PDCD11: variants seen among roughly 807,000 people sequenced by gnomAD.
PDCD11 encodes the protein protein RRP5 homolog.
Under a neutral mutation model 198.9 loss-of-function variants are expected in PDCD11, and 97 were observed. The observed-to-expected ratio is 0.49, with a 90% CI of 0.41 to 0.58. The LOEUF is 0.58. Ranked by LOEUF, PDCD11 falls within the 20% of genes least tolerant of loss-of-function variation. The pLI, the probability that PDCD11 is intolerant of heterozygous loss-of-function variation, is 0.00. For missense variants in PDCD11, 2,102 were observed against 2,312.7 expected, an observed-to-expected ratio of 0.91 and a Z score of 1.87; for synonymous variants, 893 against 918.0, an observed-to-expected ratio of 0.97 and a Z score of 0.49.
chr10:103,431,492 T>G (rs1040073678), intron 21 of PDCD11, among the ~76,000 whole-genome samples: 3 of 151,930 alleles, frequency 2.0e-5, no homozygotes, highest in Non-Finnish European at 4.4e-5. Context: ...TTTGGGAGGC[T>G]GAGACATGAG....
intron 24 of PDCD11, 177 bp downstream of exon 24, chr10:103,434,527 C>T (rs1187137712): frequency 8.3e-6 from 5 of 604,566 alleles, no homozygotes; most frequent in African/African-American, 3.7e-5. Flanking sequence ...CCAGTTACTC[C>T]ACTGCTCTCT....
At chr10:103,401,793 C>T (rs1404183770) in intron 3 of PDCD11, among the ~76,000 whole-genome samples, 1 of 151,126 alleles carries the variant, frequency 6.6e-6, no homozygotes, top group South Asian at 2.1e-4. Flanking sequence ...GCTGGAGTGC[C>T]GTGGTGCCAT....
At chr10:103,423,979 T>C (rs35615718) in intron 19 of PDCD11, among the ~76,000 whole-genome samples, 56,084 of 152,144 alleles carry the variant, frequency 0.37, 10,783 homozygotes, top group South Asian at 0.59. Flanking sequence ...GCCCAGCCCC[T>C]GTGGGGCTGA....
Position 103,413,212 on chromosome 10 carries a change from C to T in PDCD11, c.1075C>T (p.Leu359Phe). The T allele has an allele frequency of 6.2e-7, 1 of 1,614,186 alleles. No individual in the cohort carries two copies. Among genetic ancestry groups the T allele is most frequent in the Non-Finnish European group, 8.5e-7 (1 of 1,180,020 alleles). Residue 359 changes from leucine (L) to phenylalanine (F), a missense_variant, in exon 9 of 36, where the codon CTC becomes TTC. Leu to Phe is a conservative substitution (Grantham distance 22). Coordinates refer to ENST00000369797, the MANE Select transcript of PDCD11 (RefSeq NM_014976.2). ...ACAGCCTGGACGCCCACTCACCCGA[C>T]TCTCTTGCCAGAACCTTGGAGCAGT... Reference protein sequence around the residue: ...FLQPGRPLTRLSCQNLGAVLD... With the variant: ...FLQPGRPLTRFSCQNLGAVLD...
Position 103,425,165 on chromosome 10 carries a change from C to G in PDCD11, c.2945C>G (p.Thr982Ser). The G allele has an allele frequency of 6.2e-7, 1 of 1,614,146 alleles. No homozygotes were observed. The highest frequency in any genetic ancestry group is 1.7e-5 in the Admixed American group (1 of 60,018). The change falls in exon 20 of 36, where the codon ACC (threonine) becomes AGC (serine). Residue 982 changes from threonine (T) to serine (S), a missense_variant. Transcript: ENST00000369797. ...VGQGVSLTLKTTEPGVTGLLL... is the reference protein window; with the variant it reads ...VGQGVSLTLKSTEPGVTGLLL... ...CAGGGTGTCTCCCTAACCCTCAAGACCACAGAACCAGGAGTGACTGGCCTT... is the reference window on the plus strand; with the variant it reads ...CAGGGTGTCTCCCTAACCCTCAAGAGCACAGAACCAGGAGTGACTGGCCTT...
At position 103,406,041 on chromosome 10, in the gene PDCD11, T is replaced by C; in HGVS notation, c.621T>C (p.Gly207=). ...LEDHGYLVDI[G]VDGTRAFLPL... The stretch of plus-strand genomic sequence containing the variant: ...ACCATGGCTACCTAGTGGACATTGG[T>C]GTTGATGGGACCAGAGCTTTTCTGC... Residue 207 remains glycine (G), a synonymous_variant, in exon 6 of 36, where the codon GGT becomes GGC. Transcript: ENST00000369797. 6.2e-7 allele frequency: 1 copy of C among 1,614,158 alleles called. No individual in the cohort carries two copies. Among genetic ancestry groups the C allele is most frequent in the Non-Finnish European group, 8.5e-7 (1 of 1,180,012 alleles).
At chr10:103,441,218 C>A (rs373844832) in intron 30 of PDCD11, among the ~76,000 whole-genome samples, 4 of 152,288 alleles carry the variant, frequency 2.6e-5, no homozygotes, top group Admixed American at 1.3e-4. Context: ...CTGCCACCCT[C>A]AGAATTATTG....
intron 6 of PDCD11, 115 bp from the exon 7 acceptor site, chr10:103,406,494 C>T (rs1592114315): frequency 1.2e-6 from 1 of 849,342 alleles, no homozygotes; most frequent in African/African-American, 1.7e-5. Flanking sequence ...TGGGGAGTAA[C>T]TGATGCTAAC....
At chr10:103,445,348 G>T in intron 35 of PDCD11, 30 bp from the exon 36 acceptor site, 8 of 1,612,624 alleles carry the variant, frequency 5.0e-6, no homozygotes, top group Non-Finnish European at 6.8e-6. Context: ...GGGACTGACA[G>T]GCAAATGCCA....
At chr10:103,418,744 A>G (rs2031259352) in intron 15 of PDCD11, 110 bp downstream of exon 15, 2 of 877,366 alleles carry the variant, frequency 2.3e-6, no homozygotes, top group East Asian at 2.6e-5. Context: ...ATATCTCCAC[A>G]AAACCAAACC....
intron 6 of PDCD11, 36 bp from the exon 7 acceptor site, chr10:103,406,573 C>A (rs377372668): frequency 4.5e-5 from 72 of 1,594,596 alleles, no homozygotes; most frequent in East Asian, 2.5e-4. Context: ...CTCATAGATA[C>A]ATTTTTCCTT....
chr10:103,405,354 A>C (rs1286826705), intron 5 of PDCD11, 171 bp downstream of exon 5: 2 of 575,062 alleles, frequency 3.5e-6, no homozygotes, highest in Non-Finnish European at 6.2e-6. Context: ...GACATTGAAG[A>C]CTTGAACCTA....
At chr10:103,428,916 C>T (rs555658170) in intron 21 of PDCD11, among the ~76,000 whole-genome samples, 1 of 152,164 alleles carries the variant, frequency 6.6e-6, no homozygotes, top group South Asian at 2.1e-4. Flanking sequence ...CAGACATCTT[C>T]CACTTCCTCC....
At position 103,397,360 on chromosome 10, in the gene PDCD11, T is replaced by A. The variant is rs1219528184; in HGVS notation, c.-12+630T>A. On this transcript the variant is annotated intron_variant, in intron 1 of 35. Coordinates refer to ENST00000369797, the MANE Select transcript of PDCD11 (RefSeq NM_014976.2). ...TTTTCTTGCTTACTGTTCTCTCGCT[T>A]TCCCTGCTTAAGTCTCTGACTTGCC... 5.9e-5 allele frequency among the ~76,000 whole-genome samples: 9 copies of A among 152,194 alleles called. 1 individual carries two copies. The East Asian group carries it at 1.7e-3, about 29-fold the overall frequency.
At chr10:103,413,428 T>C in intron 9 of PDCD11, 106 bp downstream of exon 9, 7 of 888,998 alleles carry the variant, frequency 7.9e-6, no homozygotes, top group Middle Eastern at 2.9e-4. Context: ...GTTTAAAATT[T>C]TTGGATATTG....
intron 32 of PDCD11, 115 bp from the exon 33 acceptor site, chr10:103,443,050 A>G: frequency 1.2e-6 from 1 of 866,712 alleles, no homozygotes; most frequent in East Asian, 2.6e-5. Context: ...TTGGGGTGGG[A>G]TCTGAGGACA....
intron 21 of PDCD11, 21 bp downstream of exon 21, chr10:103,427,412 A>T: frequency 6.3e-7 from 1 of 1,597,768 alleles, no homozygotes; most frequent in Non-Finnish European, 8.6e-7. Context: ...CATTAGCAGC[A>T]CTGTCTTACG....
chr10:103,428,131 C>T (rs1319687575), intron 21 of PDCD11, among the ~76,000 whole-genome samples: 1 of 152,060 alleles, frequency 6.6e-6, no homozygotes, highest in Non-Finnish European at 1.5e-5. Context: ...CATGGCGAAA[C>T]CCCATCTCTA....
Position 103,445,590 on chromosome 10 carries a change from G to T in PDCD11, c.*41G>T. On this transcript the variant is annotated 3_prime_UTR_variant, in exon 36 of 36. Coordinates refer to ENST00000369797, the MANE Select transcript of PDCD11 (RefSeq NM_014976.2). ...GTGGGACACTGTCAACAATGGGCCA[G>T]CCCGGCCCCGCCTCGAGTGCCTGGG... 1 of 1,561,382 alleles carries T rather than the reference G, an allele frequency of 6.4e-7. No individual in the cohort carries two copies.
Sources: gnomAD v4.1 joint callset for allele counts (sites outside exome capture counted in the v4.1 genomes callset) on GRCh38, gnomAD v4.1.1 for gene constraint, MANE v1.5 for transcripts, NCBI Gene and HGNC (gene_info 2026-07-23, HGNC 2026-07-21) for gene names.